The following NCALD variants were observed in gnomAD, a reference collection of about 807,000 sequenced individuals.
NCALD encodes neurocalcin delta.
In NCALD, 10 loss-of-function variants were observed where a neutral mutation model predicts 18.6. That is an observed-to-expected ratio of 0.54 (90% confidence interval 0.33 to 0.91). The LOEUF is 0.91. Among genes scored for constraint, NCALD ranks in the 40% least tolerant of loss-of-function variants. The pLI is 0.03. For synonymous variants in NCALD, 88 were observed against 87.4 expected (o/e 1.01, Z -0.04); for missense variants, 184 against 247.6 (o/e 0.74, Z 1.72).
chr8:101,986,594 G>C (rs1024411313), intron 2 of NCALD: 1 of 152,214 alleles, frequency 6.6e-6, no homozygotes, highest in African/African-American at 2.4e-5. Context: ...CTCAACACTT[G>C]CAGCTGTCAT....
At chr8:101,965,227 C>G (rs1317456396) in intron 2 of NCALD, among the ~76,000 whole-genome samples, 4 of 152,112 alleles carry the variant, frequency 2.6e-5, no homozygotes, top group Non-Finnish European at 4.4e-5. Context: ...GGATCTAGAA[C>G]TAGAAATACC....
chr8:101,879,439 C>G (rs903498853), intron 4 of NCALD, among the ~76,000 whole-genome samples: 2 of 152,118 alleles, frequency 1.3e-5, no homozygotes, highest in African/African-American at 4.8e-5. Flanking sequence ...CGTGGTCTCG[C>G]TGGCCTCAAA....
chr8:101,979,114 A>C (rs1820526289), intron 2 of NCALD, among the ~76,000 whole-genome samples: 1 of 152,188 alleles, frequency 6.6e-6, no homozygotes, highest in Admixed American at 6.5e-5. Context: ...CAGAAGGCAG[A>C]TTTTCATTCC....
chr8:101,790,140 C>A (rs180735641), intron 1 of NCALD, among the ~76,000 whole-genome samples: 1 of 152,232 alleles, frequency 6.6e-6, no homozygotes. Context: ...TAAAGACCAC[C>A]TCATGCCATT....
chr8:101,977,271 T>C (rs1215182155), intron 2 of NCALD, among the ~76,000 whole-genome samples: 1 of 152,250 alleles, frequency 6.6e-6, no homozygotes, highest in East Asian at 1.9e-4. Context: ...TTATTACATG[T>C]GTTTTCGCAC....
intron 1 of NCALD, among the ~76,000 whole-genome samples, chr8:101,772,594 T>C (rs1811629869): frequency 6.6e-6 from 1 of 152,218 alleles, no homozygotes; most frequent in Non-Finnish European, 1.5e-5. Context: ...TCAATTCTCT[T>C]AGGACTTGGC....
At chr8:101,849,562 A>AT (rs907579839) in intron 4 of NCALD, among the ~76,000 whole-genome samples, 2 of 152,014 alleles carry the variant, frequency 1.3e-5, no homozygotes, top group African/African-American at 4.8e-5. Context: ...TTCCCTGCCC[A>AT]TTTTTCCGAT....
chr8:102,037,763 A>G (rs1188726188), intron 1 of NCALD, among the ~76,000 whole-genome samples: 1 of 152,164 alleles, frequency 6.6e-6, no homozygotes, highest in Non-Finnish European at 1.5e-5. Context: ...GAGAGGACCC[A>G]GTTCTTAGCA....
chr8:101,848,524 G>C (rs1441683560), intron 4 of NCALD, among the ~76,000 whole-genome samples: 1 of 152,078 alleles, frequency 6.6e-6, no homozygotes, highest in African/African-American at 2.4e-5. Flanking sequence ...ACTAATTTTA[G>C]GGAAATTATA....
chr8:101,752,978 A>G (rs1207360918), intron 1 of NCALD, among the ~76,000 whole-genome samples: 1 of 145,346 alleles, frequency 6.9e-6, no homozygotes, highest in Admixed American at 6.7e-5. Flanking sequence ...CTTACAAGCC[A>G]TCCCAATTTG....
At chr8:101,884,886 G>A (rs1192017480) in intron 4 of NCALD, among the ~76,000 whole-genome samples, 3 of 152,076 alleles carry the variant, frequency 2.0e-5, no homozygotes, top group African/African-American at 7.2e-5. Flanking sequence ...CGTGCTCTCA[G>A]CCTCTGAGAT....
intron 3 of NCALD, among the ~76,000 whole-genome samples, chr8:101,913,758 T>C (rs1817882170): frequency 6.6e-6 from 1 of 152,120 alleles, no homozygotes; most frequent in Non-Finnish European, 1.5e-5. Flanking sequence ...AATTTTGTAT[T>C]TTTAGTAGAG....
intron 2 of NCALD, among the ~76,000 whole-genome samples, chr8:102,019,156 T>C (rs374979533): frequency 8.5e-5 from 13 of 152,158 alleles, no homozygotes; most frequent in Non-Finnish European, 1.5e-4. Context: ...AATTAATATA[T>C]GAAATGGTGC....
At position 101,692,783 on chromosome 8, in the gene NCALD, C is replaced by T; in HGVS notation, c.484+8G>A. ...TCTGAGCAAAGCAGTGTAGCCCCCG[C>T]CTCCTACCGTCTCTATTGGTGTCCA... On this transcript the variant is annotated splice_region_variant and intron_variant, in intron 3 of 3. Coordinates refer to ENST00000220931, the MANE Select transcript of NCALD (RefSeq NM_032041.3). The T allele has an allele frequency of 6.2e-7, 1 of 1,608,138 alleles. No homozygotes were observed. Among genetic ancestry groups the T allele is most frequent in the Non-Finnish European group, 8.5e-7 (1 of 1,174,832 alleles).
At chr8:102,120,929 C>G (rs1341567858) in intron 1 of NCALD, among the ~76,000 whole-genome samples, 2 of 152,176 alleles carry the variant, frequency 1.3e-5, no homozygotes, top group Non-Finnish European at 2.9e-5. Flanking sequence ...TCTTCATTAT[C>G]CGCAAATGAT....
At chr8:101,768,607 G>T (rs995389290) in intron 1 of NCALD, among the ~76,000 whole-genome samples, 3 of 152,038 alleles carry the variant, frequency 2.0e-5, no homozygotes, top group African/African-American at 4.8e-5. Context: ...TACTTGGGAG[G>T]CTGAGGCACG....
chr8:101,971,273 C>G (rs1820231321), intron 2 of NCALD, among the ~76,000 whole-genome samples: 1 of 152,066 alleles, frequency 6.6e-6, no homozygotes, highest in Non-Finnish European at 1.5e-5. Flanking sequence ...CTCCTCCTGT[C>G]TGCAGCATCA....
chr8:102,107,617 A>G (rs1027629831), intron 1 of NCALD, among the ~76,000 whole-genome samples: 1 of 152,150 alleles, frequency 6.6e-6, no homozygotes, highest in African/African-American at 2.4e-5. Context: ...GAATAAGCCA[A>G]TTTTTGACTT....
intron 1 of NCALD, among the ~76,000 whole-genome samples, chr8:102,098,259 T>C (rs1825168204): frequency 6.6e-6 from 1 of 152,210 alleles, no homozygotes; most frequent in East Asian, 1.9e-4. Flanking sequence ...GCTGGGGTAA[T>C]GGGAAGGACT....
Sources: gnomAD v4.1 joint callset for allele counts (sites outside exome capture counted in the v4.1 genomes callset) on GRCh38, gnomAD v4.1.1 for gene constraint, MANE v1.5 for transcripts, NCBI Gene and HGNC (gene_info 2026-07-23, HGNC 2026-07-21) for gene names.